The following BTBD9 variants were observed in gnomAD, a reference collection of about 807,000 sequenced individuals.
BTBD9 encodes BTB domain containing 9, also known as BTB/POZ domain-containing protein 9.
In BTBD9, 49 loss-of-function variants were observed where a neutral mutation model predicts 64.3. The ratio of observed to expected loss-of-function variants is 0.76; its 90% CI spans 0.61 to 0.97. The LOEUF is 0.97. Ranked by LOEUF, BTBD9 falls within the 50% of genes least tolerant of loss-of-function variation. The pLI is 0.00. For synonymous variants in BTBD9, 260 were observed against 274.7 expected, an observed-to-expected ratio of 0.95 and a Z score of 0.53; for missense variants, 598 against 762.1, an observed-to-expected ratio of 0.78 and a Z score of 2.53.
intron 9 of BTBD9, among the ~76,000 whole-genome samples, chr6:38,198,072 C>A (rs1762326077): frequency 6.6e-6 from 1 of 152,118 alleles, no homozygotes; most frequent in Non-Finnish European, 1.5e-5. Context: ...TAAATAGGGT[C>A]AATTCTGGGG....
chr6:38,302,288 C>T (rs1344869477), intron 7 of BTBD9, among the ~76,000 whole-genome samples: 4 of 151,850 alleles, frequency 2.6e-5, no homozygotes, highest in Non-Finnish European at 5.9e-5. Flanking sequence ...CAACTCTTCT[C>T]AGCCTCTGGT....
At chr6:38,450,565 G>T (rs960179223) in intron 6 of BTBD9, among the ~76,000 whole-genome samples, 1 of 152,052 alleles carries the variant, frequency 6.6e-6, no homozygotes, top group Non-Finnish European at 1.5e-5. Context: ...AGAAAAAAAA[G>T]AAGATGATGA....
chr6:38,394,653 C>T (rs1451822540), intron 6 of BTBD9, among the ~76,000 whole-genome samples: 4 of 129,916 alleles, frequency 3.1e-5, no homozygotes, highest in African/African-American at 1.4e-4. Flanking sequence ...GTCTGACTTT[C>T]AAGTCTAGGG....
intron 10 of BTBD9, among the ~76,000 whole-genome samples, chr6:38,188,890 C>G (rs1012185049): frequency 6.6e-6 from 1 of 152,210 alleles, no homozygotes; most frequent in Non-Finnish European, 1.5e-5. Context: ...CGTCTGAGGA[C>G]AGAACCCAGA....
chr6:38,247,416 G>A (rs1364898793), intron 9 of BTBD9, among the ~76,000 whole-genome samples: 1 of 152,200 alleles, frequency 6.6e-6, no homozygotes, highest in Non-Finnish European at 1.5e-5. Context: ...AATGCTTCTC[G>A]GATATGAATA....
At chr6:38,481,555 T>C (rs1257496087) in intron 6 of BTBD9, 3 of 152,192 alleles carry the variant, frequency 2.0e-5, no homozygotes, top group Non-Finnish European at 2.9e-5. Context: ...TGGTATCCCA[T>C]AGGCCTCTGG....
chr6:38,255,466 G>A (rs532395489), intron 9 of BTBD9, among the ~76,000 whole-genome samples: 13 of 152,238 alleles, frequency 8.5e-5, no homozygotes, highest in African/African-American at 2.9e-4. Context: ...AAAGAGAAAC[G>A]CATTTGCTCC....
At chr6:38,557,441 G>A (rs1353045588) in intron 6 of BTBD9, among the ~76,000 whole-genome samples, 1 of 152,202 alleles carries the variant, frequency 6.6e-6, no homozygotes, top group African/African-American at 2.4e-5. Context: ...GTGATTATAA[G>A]TTCAATATGC....
At chr6:38,573,814 G>C (rs1477080707) in intron 6 of BTBD9, among the ~76,000 whole-genome samples, 1 of 152,094 alleles carries the variant, frequency 6.6e-6, no homozygotes, top group Admixed American at 6.6e-5. Context: ...ACCCCCCAGA[G>C]TACTCAATAT....
intron 9 of BTBD9, among the ~76,000 whole-genome samples, chr6:38,201,946 CA>C (rs1412423815): frequency 1.3e-5 from 2 of 152,058 alleles, no homozygotes; most frequent in African/African-American, 2.4e-5. Context: ...GAAGAGAATA[CA>C]AACAAATGGA....
intron 9 of BTBD9, among the ~76,000 whole-genome samples, chr6:38,200,023 C>T (rs1762404210): frequency 6.6e-6 from 1 of 152,186 alleles, no homozygotes; most frequent in Non-Finnish European, 1.5e-5. Flanking sequence ...CCCAGTGAAG[C>T]CAGACCTGAG....
At position 38,242,112 on chromosome 6, in the gene BTBD9, C is replaced by G. The variant is rs575388360; in HGVS notation, c.1562+14297G>C. Among the ~76,000 whole-genome samples the G allele has an allele frequency of 3.9e-5, 6 of 152,176 alleles. No homozygotes were observed. In the South Asian group the frequency reaches 1.2e-3, roughly 32 times the overall value. ...AAAATAAAGGTGGATTTCTTTGTAT[C>G]CATAGTCTTCATCATACTTCTGGAA... On this transcript the variant is annotated intron_variant, in intron 9 of 10. Transcript: ENST00000481247.
intron 9 of BTBD9, among the ~76,000 whole-genome samples, chr6:38,204,652 A>C (rs1417713827): frequency 6.6e-6 from 1 of 152,178 alleles, no homozygotes; most frequent in Non-Finnish European, 1.5e-5. Flanking sequence ...CTCTGTGAAT[A>C]TACTAAAGCC....
chr6:38,543,321 A>T (rs185564869), intron 6 of BTBD9, among the ~76,000 whole-genome samples: 3 of 152,272 alleles, frequency 2.0e-5, no homozygotes, highest in Admixed American at 2.0e-4. Context: ...TCTTCACAGC[A>T]ATCACTGATC....
At chr6:38,620,264 G>T (rs960316363) in intron 1 of BTBD9, among the ~76,000 whole-genome samples, 8 of 152,178 alleles carry the variant, frequency 5.3e-5, no homozygotes, top group Admixed American at 2.0e-4. Context: ...ACATTCAGTT[G>T]TACCCAACTC....
At chr6:38,392,493 T>C (rs1766464247) in intron 6 of BTBD9, among the ~76,000 whole-genome samples, 1 of 152,250 alleles carries the variant, frequency 6.6e-6, no homozygotes, top group South Asian at 2.1e-4. Flanking sequence ...AAGGGGGTGC[T>C]ACCCAATCTT....
chr6:38,282,550 T>C (rs1000945151), intron 8 of BTBD9, among the ~76,000 whole-genome samples: 1 of 152,134 alleles, frequency 6.6e-6, no homozygotes, highest in African/African-American at 2.4e-5. Flanking sequence ...CTGATGGCGC[T>C]GAAGAAACAC....
At chr6:38,305,607 G>A (rs557965470) in intron 7 of BTBD9, among the ~76,000 whole-genome samples, 98 of 151,986 alleles carry the variant, frequency 6.4e-4, no homozygotes, top group Middle Eastern at 3.4e-3. Context: ...TCAGCCTCCC[G>A]AGTAGCTGGG....
intron 7 of BTBD9, among the ~76,000 whole-genome samples, chr6:38,327,162 T>C (rs1763470969): frequency 6.6e-6 from 1 of 152,130 alleles, no homozygotes; most frequent in African/African-American, 2.4e-5. Context: ...CTTGTAGCAC[T>C]GTACCAAATC....
Sources: gnomAD v4.1 joint callset for allele counts (sites outside exome capture counted in the v4.1 genomes callset) on GRCh38, gnomAD v4.1.1 for gene constraint, MANE v1.5 for transcripts, NCBI Gene and HGNC (gene_info 2026-07-23, HGNC 2026-07-21) for gene names.